Variants in CNOT10 observed in about 807,000 individuals in gnomAD.
The protein encoded by CNOT10 is CCR4-NOT transcription complex subunit 10.
Under a neutral mutation model 94.6 loss-of-function variants are expected in CNOT10, and 30 were observed. The observed-to-expected ratio is 0.32, with a 90% confidence interval of 0.24 to 0.43. The LOEUF (loss-of-function observed/expected upper bound fraction) is 0.43, where lower values mean the gene tolerates loss of function less well. CNOT10 is among the 20% of genes least tolerant of loss of function. The probability of loss-of-function intolerance (pLI) is 1.00; values close to 1 mark genes in which losing one functional copy is unlikely to be tolerated. For missense variants in CNOT10, 759 were observed against 877.2 expected (o/e 0.87, Z 1.70); for synonymous variants, 289 against 301.6 (o/e 0.96, Z 0.43).
At chr3:32,750,231 A>G (rs934334767) in intron 13 of CNOT10, among the ~76,000 whole-genome samples, 1 of 152,140 alleles carries the variant, frequency 6.6e-6, no homozygotes, top group African/African-American at 2.4e-5. Flanking sequence ...ACAGTGACTC[A>G]TGCCTGTAAT....
chr3:32,715,974 T>G (rs1200288523), intron 5 of CNOT10: 2 of 304,156 alleles, frequency 6.6e-6, no homozygotes, highest in Non-Finnish European at 6.0e-6. Context: ...GCCCAGCTAA[T>G]TTTTGTATTT....
chr3:32,705,268 T>G (rs762773439), intron 3 of CNOT10, among the ~76,000 whole-genome samples: 2 of 152,210 alleles, frequency 1.3e-5, no homozygotes, highest in African/African-American at 4.8e-5. Context: ...TGTGGAGATA[T>G]ATCTTGTTTA....
intron 5 of CNOT10, among the ~76,000 whole-genome samples, chr3:32,714,647 T>C (rs1270809533): frequency 1.3e-5 from 2 of 152,166 alleles, no homozygotes; most frequent in South Asian, 2.1e-4. Context: ...AGGCGGAGAT[T>C]GCAGTGAGCC....
intron 9 of CNOT10, 148 bp from the exon 10 acceptor site, chr3:32,727,520 G>C: frequency 1.6e-6 from 1 of 611,278 alleles, no homozygotes; most frequent in Non-Finnish European, 2.9e-6. Flanking sequence ...TGAGAATGGA[G>C]ACCACCATTG....
intron 8 of CNOT10, among the ~76,000 whole-genome samples, chr3:32,720,437 T>G (rs1446845259): frequency 6.6e-6 from 1 of 152,130 alleles, no homozygotes; most frequent in Non-Finnish European, 1.5e-5. Context: ...CACTTTGCTT[T>G]CTTTCTTTTT....
intron 13 of CNOT10, among the ~76,000 whole-genome samples, chr3:32,741,358 G>A (rs1699452990): frequency 6.6e-6 from 1 of 151,824 alleles, no homozygotes; most frequent in East Asian, 1.9e-4. Flanking sequence ...GTTTGGGGCT[G>A]TTACAAATAA....
intron 1 of CNOT10, among the ~76,000 whole-genome samples, chr3:32,701,040 G>C (rs1697318244): frequency 6.6e-6 from 1 of 152,196 alleles, no homozygotes; most frequent in South Asian, 2.1e-4. Flanking sequence ...TTGGGAGGCT[G>C]AGGCCAGCAG....
chr3:32,751,510 A>G (rs1008133597), intron 13 of CNOT10, among the ~76,000 whole-genome samples: 1 of 152,232 alleles, frequency 6.6e-6, no homozygotes, highest in Non-Finnish European at 1.5e-5. Flanking sequence ...GTTATTCCAC[A>G]AGTGTAAATT....
At chr3:32,753,258 G>A (rs1372239258) in intron 13 of CNOT10, 1 of 802,484 alleles carries the variant, frequency 1.2e-6, no homozygotes, top group African/African-American at 1.7e-5. Flanking sequence ...TTCAGTGTCT[G>A]GATTAAAAGA....
chr3:32,773,701 G>T lies in CNOT10; in HGVS notation c.*90G>T. 7.5e-7 allele frequency: 1 copy of T among 1,333,408 alleles called. No individual in the cohort carries two copies. The highest frequency in any genetic ancestry group is 1.0e-6 in the Non-Finnish European group (1 of 991,648). 82.6% of individuals were successfully genotyped at this position (1,333,408 alleles called of 1,614,324 possible). A position where few individuals can be genotyped will look rare whatever the true frequency, so the allele number is the denominator to read the frequency against. On this transcript the variant is annotated 3_prime_UTR_variant, in exon 19 of 19. Coordinates refer to ENST00000328834, the MANE Select transcript of CNOT10 (RefSeq NM_015442.3). The stretch of plus-strand genomic sequence containing the variant: ...ATCACAGCAGAATGAATAAAAGATG[G>T]TGAAGGCTGTTAATTTTGAGTCAAT...
intron 3 of CNOT10, among the ~76,000 whole-genome samples, 195 bp from the exon 4 acceptor site, chr3:32,708,475 A>C (rs1446270734): frequency 1.3e-5 from 2 of 152,220 alleles, no homozygotes; most frequent in African/African-American, 4.8e-5. Context: ...CTAAAATTTT[A>C]TTATGTGTGG....
chr3:32,768,303 C>G (rs541468111), intron 17 of CNOT10, among the ~76,000 whole-genome samples: 1 of 152,026 alleles, frequency 6.6e-6, no homozygotes, highest in African/African-American at 2.4e-5. Context: ...CAAAATGGGC[C>G]GGGCACAGTG....
At chr3:32,711,453 T>A (rs948541090) in intron 4 of CNOT10, among the ~76,000 whole-genome samples, 2 of 152,158 alleles carry the variant, frequency 1.3e-5, no homozygotes, top group Non-Finnish European at 2.9e-5. Context: ...GCAACAACTT[T>A]TTTTTTTCTT....
intron 17 of CNOT10, among the ~76,000 whole-genome samples, chr3:32,768,123 A>T (rs1428134608): frequency 6.6e-6 from 1 of 152,176 alleles, no homozygotes; most frequent in African/African-American, 2.4e-5. Context: ...TTGCCTGCCC[A>T]CCACTAACCA....
At chr3:32,768,371 G>A (rs2125646838) in intron 17 of CNOT10, among the ~76,000 whole-genome samples, 1 of 152,152 alleles carries the variant, frequency 6.6e-6, no homozygotes, top group East Asian at 1.9e-4. Context: ...CATCTGAGGT[G>A]AGGAGTTCAA....
At chr3:32,749,837 A>G (rs1311509071) in intron 13 of CNOT10, among the ~76,000 whole-genome samples, 4 of 152,136 alleles carry the variant, frequency 2.6e-5, no homozygotes, top group Non-Finnish European at 5.9e-5. Context: ...ACACATCACC[A>G]CTAAAGAACT....
At chr3:32,736,992 T>C (rs1288719956) in intron 12 of CNOT10, among the ~76,000 whole-genome samples, 1 of 152,186 alleles carries the variant, frequency 6.6e-6, no homozygotes, top group Non-Finnish European at 1.5e-5. Context: ...TTCCATTGTT[T>C]AACTCTTTTA....
chr3:32,687,444 T>TTTTTTG (rs374228213), intron 1 of CNOT10, among the ~76,000 whole-genome samples: 4,302 of 69,454 alleles, frequency 0.062, 222 homozygotes, highest in African/African-American at 0.13. Context: ...TCACGGTTTT[T>TTTTTTG]TTTTTTTGTT....
chr3:32,702,947 T>G (rs964777763), intron 1 of CNOT10, among the ~76,000 whole-genome samples: 1 of 151,400 alleles, frequency 6.6e-6, no homozygotes, highest in Non-Finnish European at 1.5e-5. Flanking sequence ...AGTCCTACTC[T>G]GTCGCCCCGG....
Sources: gnomAD v4.1 joint callset for allele counts (sites outside exome capture counted in the v4.1 genomes callset) on GRCh38, gnomAD v4.1.1 for gene constraint, MANE v1.5 for transcripts, NCBI Gene and HGNC (gene_info 2026-07-23, HGNC 2026-07-21) for gene names.